Variants in SCLT1 observed in about 807,000 individuals in gnomAD.
The protein encoded by SCLT1 is sodium channel and clathrin linker 1.
In SCLT1, 78 loss-of-function variants were observed where a neutral mutation model predicts 112.8. That is an observed-to-expected ratio of 0.69 (90% CI 0.58 to 0.83). SCLT1 has a LOEUF of 0.83. Ranked by LOEUF, SCLT1 falls within the 40% of genes least tolerant of loss-of-function variation. The pLI, the probability that SCLT1 is intolerant of heterozygous loss-of-function variation, is 0.00. For synonymous variants in SCLT1, 257 were observed against 254.7 expected (o/e 1.01, Z -0.09); for missense variants, 747 against 770.4 (o/e 0.97, Z 0.36).
At chr4:129,024,294 C>A (rs1249504152) in intron 5 of SCLT1, among the ~76,000 whole-genome samples, 1 of 152,202 alleles carries the variant, frequency 6.6e-6, no homozygotes, top group Non-Finnish European at 1.5e-5. Flanking sequence ...CTGGAAGGCA[C>A]CCCCAAGTAG....
chr4:129,010,647 T>C (rs1744438527), intron 5 of SCLT1, among the ~76,000 whole-genome samples: 2 of 152,174 alleles, frequency 1.3e-5, no homozygotes, highest in African/African-American at 4.8e-5. Context: ...GTTAGCTGTA[T>C]TCCTAGGTAG....
intron 18 of SCLT1, among the ~76,000 whole-genome samples, chr4:128,924,825 G>A (rs1256030924): frequency 6.6e-6 from 1 of 152,122 alleles, no homozygotes; most frequent in Non-Finnish European, 1.5e-5. Context: ...ACCTATGTGG[G>A]CTCTACCCAG....
At chr4:129,089,542 T>C (rs1481549678) in intron 1 of SCLT1, among the ~76,000 whole-genome samples, 1 of 152,182 alleles carries the variant, frequency 6.6e-6, no homozygotes, top group Non-Finnish European at 1.5e-5. Context: ...GAAATCATTC[T>C]ACCATAAAGA....
At chr4:128,948,359 A>G (rs993494666) in intron 15 of SCLT1, 137 bp downstream of exon 15, 1 of 780,356 alleles carries the variant, frequency 1.3e-6, no homozygotes, top group Non-Finnish European at 1.7e-6. Flanking sequence ...AAAAAAAAAA[A>G]GAAAAGAAAA....
chr4:128,875,290 G>GAATC (rs1400254060), intron 4 of SCLT1: 1 of 152,636 alleles, frequency 6.6e-6, no homozygotes, highest in East Asian at 1.9e-4. Context: ...TAGCAGTCCT[G>GAATC]AATCAGTTGT....
chr4:128,899,573 G>A (rs1385227698), intron 18 of SCLT1, among the ~76,000 whole-genome samples: 1 of 152,094 alleles, frequency 6.6e-6, no homozygotes, highest in African/African-American at 2.4e-5. Flanking sequence ...ATATCATACT[G>A]AATGGGCAAA....
At chr4:128,901,749 A>G (rs1024935103) in intron 18 of SCLT1, among the ~76,000 whole-genome samples, 1 of 151,974 alleles carries the variant, frequency 6.6e-6, no homozygotes, top group African/African-American at 2.4e-5. Context: ...TTTAATCCAG[A>G]CAGCTTTCTT....
chr4:128,942,986 T>C lies in SCLT1; in HGVS notation c.1632+10A>G. The C allele has an allele frequency of 6.3e-7, 1 of 1,588,994 alleles. No individual in the cohort carries two copies. The highest frequency in any genetic ancestry group is 8.6e-7 in the Non-Finnish European group (1 of 1,164,684). ...CATAAGTACACATTTAACTCTAGTCTTGAAAATACCTTTACTTTGGCTTTT... is the reference window on the plus strand; with the variant it reads ...CATAAGTACACATTTAACTCTAGTCCTGAAAATACCTTTACTTTGGCTTTT... On this transcript the variant is annotated intron_variant, in intron 17 of 20. Transcript: ENST00000281142.
chr4:128,980,371 A>AG lies in SCLT1; in HGVS notation c.687-9904_687-9903insC, dbSNP rs781065467. Reference sequence around the variant, plus strand: ...TAGTATATAAAAATTATCAGCACACACATTTTTAAAGAAAAAATATGCATT... The same window carrying AG: ...TAGTATATAAAAATTATCAGCACACAGCATTTTTAAAGAAAAAATATGCATT... On this transcript the variant is annotated intron_variant, in intron 9 of 20. Coordinates refer to ENST00000281142, the MANE Select transcript of SCLT1 (RefSeq NM_144643.4). Among the ~76,000 whole-genome samples, 530 of 152,338 alleles carry AG rather than the reference A, an allele frequency of 3.5e-3. 6 individuals carry two copies. The highest frequency in any genetic ancestry group is 0.01 in the Middle Eastern group (3 of 294).
In SCLT1 at chr4:128,982,923, T is replaced by C. The variant is rs138426105; in HGVS notation, c.686+9244A>G. ...GTTTGTTTGAGACGGATTTTCACTC[T>C]TGTTGCCCAGGCTGGAGTGCAATGG... On this transcript the variant is annotated intron_variant, in intron 9 of 20. Coordinates refer to ENST00000281142, the MANE Select transcript of SCLT1 (RefSeq NM_144643.4). Among the ~76,000 whole-genome samples the C allele has an allele frequency of 1.4e-3, 205 of 148,674 alleles. 5 individuals are homozygous for C. In the East Asian group the frequency reaches 0.039, roughly 28 times the overall value.
intron 11 of SCLT1, among the ~76,000 whole-genome samples, chr4:128,960,442 T>C (rs112361373): frequency 7.9e-5 from 12 of 152,316 alleles, no homozygotes; most frequent in African/African-American, 2.9e-4. Flanking sequence ...TTAGAAAGGC[T>C]CCTTCCTTTC....
At chr4:129,072,724 T>C (rs1433864324) in intron 2 of SCLT1, among the ~76,000 whole-genome samples, 2 of 152,180 alleles carry the variant, frequency 1.3e-5, no homozygotes, top group Non-Finnish European at 2.9e-5. Context: ...ATTTTTTGGA[T>C]TTTCTTGCAC....
At chr4:129,000,283 T>C (rs1055171392) in intron 6 of SCLT1, among the ~76,000 whole-genome samples, 5 of 152,028 alleles carry the variant, frequency 3.3e-5, no homozygotes, top group African/African-American at 1.2e-4. Flanking sequence ...AGATAAATCA[T>C]CTTTTTAAAT....
chr4:129,007,889 G>A (rs1305040356), intron 5 of SCLT1, among the ~76,000 whole-genome samples: 2 of 152,060 alleles, frequency 1.3e-5, no homozygotes, highest in Admixed American at 6.6e-5. Context: ...CCATGAGCTT[G>A]GAAGTGATAG....
chr4:128,941,842 GGAGTT>G (rs1737720640), intron 17 of SCLT1, among the ~76,000 whole-genome samples: 1 of 152,050 alleles, frequency 6.6e-6, no homozygotes, highest in African/African-American at 2.4e-5. Context: ...CTGTGATATA[GGAGTT>G]AAGTTTTATT....
intron 18 of SCLT1, among the ~76,000 whole-genome samples, chr4:128,934,188 TCTC>T (rs1737000196): frequency 6.6e-6 from 1 of 151,836 alleles, no homozygotes; most frequent in Non-Finnish European, 1.5e-5. Flanking sequence ...TGTCCCGCTC[TCTC>T]CTCTCAGAAA....
chr4:128,997,334 C>T (rs1211517708), intron 8 of SCLT1: 1 of 151,614 alleles, frequency 6.6e-6, no homozygotes, highest in Non-Finnish European at 1.5e-5. Flanking sequence ...AATTCTATTA[C>T]TCAACAATGA....
chr4:128,985,611 CACTG>C (rs1411717706), intron 9 of SCLT1, among the ~76,000 whole-genome samples: 1 of 152,204 alleles, frequency 6.6e-6, no homozygotes, highest in Non-Finnish European at 1.5e-5. Context: ...AATGTCTTCT[CACTG>C]ACTATGAGTT....
chr4:129,011,560 T>C (rs1410158674), intron 5 of SCLT1, among the ~76,000 whole-genome samples: 1 of 147,250 alleles, frequency 6.8e-6, no homozygotes, highest in Non-Finnish European at 1.5e-5. Flanking sequence ...AGCTTTCTTC[T>C]TTTTGCTTAG....
Sources: allele counts gnomAD v4.1 joint callset (sites outside exome capture counted in the v4.1 genomes callset), GRCh38; gene constraint gnomAD v4.1.1; transcripts MANE v1.5; gene names NCBI Gene and HGNC (gene_info 2026-07-23, HGNC 2026-07-21).